ENTREP2: variants seen among roughly 807,000 people sequenced by gnomAD.
The protein encoded by ENTREP2 is endosomal transmembrane epsin interactor 2.
the ENTREP2 span, chr15:29,269,705 T>A: frequency 6.5e-7 from 1 of 1,529,570 alleles, no homozygotes; most frequent in East Asian, 2.7e-5. Context: ...TTTTGCAACA[T>A]GTCTCCGGCG....
chr15:29,268,544 G>C, the ENTREP2 span: 1 of 438,278 alleles, frequency 2.3e-6, no homozygotes, highest in Non-Finnish European at 4.0e-6. Flanking sequence ...GTTTTACTAA[G>C]CTAGCAAAAT....
chr15:29,155,682 C>A, the ENTREP2 span, among the ~76,000 whole-genome samples: 1 of 152,186 alleles, frequency 6.6e-6, no homozygotes, highest in Non-Finnish European at 1.5e-5. Flanking sequence ...CTGCTGTGTT[C>A]CCTTTCCAGC....
the ENTREP2 span, among the ~76,000 whole-genome samples, chr15:29,451,582 C>T: frequency 2.0e-5 from 3 of 152,326 alleles, no homozygotes; most frequent in South Asian, 4.1e-4. Flanking sequence ...CGGGGCGTGA[C>T]TGAAATGCAT....
the ENTREP2 span, among the ~76,000 whole-genome samples, chr15:29,281,318 C>G: frequency 7.2e-5 from 11 of 152,124 alleles, no homozygotes; most frequent in Non-Finnish European, 1.3e-4. Context: ...ATAAATGATA[C>G]AGCCTATTAA....
At chr15:29,175,374 T>C in the ENTREP2 span, among the ~76,000 whole-genome samples, 1 of 152,236 alleles carries the variant, frequency 6.6e-6, no homozygotes, top group African/African-American at 2.4e-5. Flanking sequence ...ATGACTATCA[T>C]ACACGATTAA....
chr15:29,603,347 C>CA, the ENTREP2 span, among the ~76,000 whole-genome samples: 2 of 152,174 alleles, frequency 1.3e-5, no homozygotes, highest in African/African-American at 4.8e-5. Flanking sequence ...TTCTCAGGCC[C>CA]ACTGTAGACT....
At chr15:29,316,812 T>G in the ENTREP2 span, among the ~76,000 whole-genome samples, 1 of 152,176 alleles carries the variant, frequency 6.6e-6, no homozygotes. Context: ...TTTCCTATGT[T>G]TTGGGAACCT....
At chr15:29,228,508 T>C in the ENTREP2 span, among the ~76,000 whole-genome samples, 4 of 152,152 alleles carry the variant, frequency 2.6e-5, no homozygotes, top group African/African-American at 9.7e-5. Context: ...ATGAAAAAGT[T>C]CTGGAAATGG....
At chr15:29,321,635 G>A in the ENTREP2 span, among the ~76,000 whole-genome samples, 1 of 148,564 alleles carries the variant, frequency 6.7e-6, no homozygotes, top group East Asian at 2.0e-4. Context: ...GGTGACAAGA[G>A]TGAGACTCTG....
At chr15:29,674,141 G>C in the ENTREP2 span, among the ~76,000 whole-genome samples, 12 of 142,446 alleles carry the variant, frequency 8.4e-5, no homozygotes, top group Non-Finnish European at 1.9e-4. Flanking sequence ...GGGGGGGGGG[G>C]GGCTTTGCCA....
At chr15:29,234,716 T>G in the ENTREP2 span, 2 of 1,525,452 alleles carry the variant, frequency 1.3e-6, no homozygotes, top group Middle Eastern at 1.7e-4. Flanking sequence ...AGTAGTTCCA[T>G]TGTGGCAAGT....
the ENTREP2 span, among the ~76,000 whole-genome samples, chr15:29,559,886 A>C: frequency 6.6e-6 from 1 of 152,200 alleles, no homozygotes; most frequent in South Asian, 2.1e-4. Context: ...CTGGGGGACC[A>C]CAGTTCCATC....
At chr15:29,626,284 C>T in the ENTREP2 span, among the ~76,000 whole-genome samples, 13 of 152,208 alleles carry the variant, frequency 8.5e-5, no homozygotes, top group South Asian at 1.7e-3. Context: ...GTAATAATCC[C>T]GACATGTCAA....
the ENTREP2 span, among the ~76,000 whole-genome samples, chr15:29,605,455 T>C: frequency 6.6e-6 from 1 of 152,208 alleles, no homozygotes; most frequent in East Asian, 1.9e-4. Context: ...TTTGTCTTAT[T>C]TCACTTAACC....
At chr15:29,644,790 G>A in the ENTREP2 span, among the ~76,000 whole-genome samples, 3 of 142,208 alleles carry the variant, frequency 2.1e-5, no homozygotes, top group Middle Eastern at 3.8e-3. Context: ...GCAACAGAGC[G>A]AGACTCCAAG....
At chr15:29,346,364 C>T in the ENTREP2 span, among the ~76,000 whole-genome samples, 8 of 152,150 alleles carry the variant, frequency 5.3e-5, no homozygotes, top group Non-Finnish European at 8.8e-5. Flanking sequence ...TCCAGCTGGG[C>T]CTGTGCTCCA....
the ENTREP2 span, among the ~76,000 whole-genome samples, chr15:29,232,676 T>C: frequency 1.3e-5 from 2 of 151,142 alleles, no homozygotes; most frequent in Non-Finnish European, 2.9e-5. Context: ...TGTTTGTTTG[T>C]TTGTTTGTTT....
chr15:29,578,779 T>C, the ENTREP2 span, among the ~76,000 whole-genome samples: 1 of 151,990 alleles, frequency 6.6e-6, no homozygotes, highest in Non-Finnish European at 1.5e-5. Context: ...ATTCAATTAC[T>C]ATTTATTCAA....
At chr15:29,660,224 T>G in the ENTREP2 span, among the ~76,000 whole-genome samples, 1 of 152,226 alleles carries the variant, frequency 6.6e-6, no homozygotes, top group Non-Finnish European at 1.5e-5. Flanking sequence ...GGTTCAAATG[T>G]GCCCCCTCCA....
Sources: gnomAD v4.1 joint callset for allele counts (sites outside exome capture counted in the v4.1 genomes callset) on GRCh38, gnomAD v4.1.1 for gene constraint, MANE v1.5 for transcripts, NCBI Gene and HGNC (gene_info 2026-07-23, HGNC 2026-07-21) for gene names.